The following TUSC3 variants were observed in gnomAD, a reference collection of about 807,000 sequenced individuals.
TUSC3 encodes the protein dolichyl-diphosphooligosaccharide--protein glycosyltransferase subunit TUSC3.
A neutral mutation model predicts 44.8 loss-of-function variants in TUSC3; 45 were observed. That is an observed-to-expected ratio of 1.00 (90% CI 0.79 to 1.29). TUSC3 has a LOEUF of 1.29. Ranked by LOEUF, TUSC3 falls within the 50% of genes most tolerant of loss-of-function variation. The pLI is 0.00. For synonymous variants in TUSC3, 212 were observed against 152.9 expected (o/e 1.39, Z -2.85); for missense variants, 519 against 437.9 (o/e 1.19, Z -1.65).
intron 9 of TUSC3, among the ~76,000 whole-genome samples, chr8:15,757,083 G>C (rs1811957090): frequency 6.6e-6 from 1 of 152,150 alleles, no homozygotes; most frequent in Non-Finnish European, 1.5e-5. Context: ...CTGCAAGTGA[G>C]CTATGATTGT....
At chr8:15,820,262 G>A in the TUSC3 span, among the ~76,000 whole-genome samples, 1 of 145,144 alleles carries the variant, frequency 6.9e-6, no homozygotes, top group Non-Finnish European at 1.5e-5. Flanking sequence ...GTAATATTTT[G>A]TTAAGAATTT....
intron 6 of TUSC3, among the ~76,000 whole-genome samples, chr8:15,712,193 G>C (rs1418211550): frequency 6.6e-6 from 1 of 151,870 alleles, no homozygotes; most frequent in Non-Finnish European, 1.5e-5. Flanking sequence ...GAGGCTCTTA[G>C]AGGACTTTTA....
Position 15,764,868 on chromosome 8 carries a change from T to G in TUSC3, c.*712T>G, listed in dbSNP as rs1812284916. 1 of 152,030 alleles carries G rather than the reference T, an allele frequency of 6.6e-6. No individual in the cohort carries two copies. The highest frequency in any genetic ancestry group is 1.5e-5 in the Non-Finnish European group (1 of 67,962). The allele number at this position is 152,030 out of a possible 1,614,324, so 9.4% of individuals were successfully genotyped here. A position where few individuals can be genotyped will look rare whatever the true frequency, so the allele number is the denominator to read the frequency against. On this transcript the variant is annotated 3_prime_UTR_variant, in exon 11 of 11. Coordinates refer to ENST00000503731, the MANE Select transcript of TUSC3 (RefSeq NM_006765.4). ...ACATACCACAACTAGGAGTTATTTC[T>G]CAAACTTAAATGTCCTCTGGGAATC...
At chr8:15,436,651 T>C (rs1799948983) in intron 1 of TUSC3, among the ~76,000 whole-genome samples, 1 of 152,070 alleles carries the variant, frequency 6.6e-6, no homozygotes, top group South Asian at 2.1e-4. Flanking sequence ...ACTATGTATA[T>C]AAAAGAACAA....
intron 2 of TUSC3, among the ~76,000 whole-genome samples, chr8:15,531,534 G>A (rs1233859235): frequency 6.6e-6 from 1 of 152,234 alleles, no homozygotes; most frequent in Non-Finnish European, 1.5e-5. Flanking sequence ...TTACAGGCGT[G>A]AGCCTCTGTG....
intron 6 of TUSC3, among the ~76,000 whole-genome samples, chr8:15,689,862 G>GTGTAAA (rs1398269685): frequency 8.4e-5 from 2 of 23,928 alleles, no homozygotes; most frequent in African/African-American, 2.9e-4. Context: ...GTGTGTGTGT[G>GTGTAAA]TATAAATATA....
rs1401853123 is a variant in TUSC3 at position 15,766,410 on chromosome 8, G to A, written c.*2254G>A. The stretch of plus-strand genomic sequence containing the variant: ...AGAATTGAATAATTGATTTGTACCT[G>A]GTATGTTATATCCTCCAGTGTCACT... On this transcript the variant is annotated 3_prime_UTR_variant, in exon 11 of 11. Transcript: ENST00000503731. 6.6e-6 allele frequency: 1 copy of A among 152,000 alleles called. No homozygotes were observed. The highest frequency in any genetic ancestry group is 6.6e-5 in the Admixed American group (1 of 15,232). The allele number at this position is 152,000 out of a possible 1,614,324, so 9.4% of individuals were successfully genotyped here.
intron 1 of TUSC3, among the ~76,000 whole-genome samples, chr8:15,549,209 C>T (rs1801970617): frequency 6.6e-6 from 1 of 151,784 alleles, no homozygotes; most frequent in African/African-American, 2.4e-5. Context: ...GAGTCTTGCT[C>T]TGTCGCCCAG....
the TUSC3 span, among the ~76,000 whole-genome samples, chr8:15,823,946 T>G: frequency 9.9e-5 from 15 of 152,238 alleles, no homozygotes; most frequent in Non-Finnish European, 1.5e-5. Flanking sequence ...ATGCCTTTCC[T>G]AAATTGAATA....
chr8:15,517,545 A>C (rs1351188498), intron 2 of TUSC3, among the ~76,000 whole-genome samples: 1 of 146,624 alleles, frequency 6.8e-6, no homozygotes, highest in Non-Finnish European at 1.5e-5. Context: ...AAAAAAAAAA[A>C]AAAAAAAAAA....
intron 1 of TUSC3, among the ~76,000 whole-genome samples, chr8:15,601,964 A>G (rs1804305084): frequency 6.6e-6 from 1 of 151,262 alleles, no homozygotes; most frequent in Admixed American, 6.6e-5. Flanking sequence ...ACTAGCATTT[A>G]TTTGTACATT....
chr8:15,597,587 TAAC>T (rs895207419), intron 1 of TUSC3, among the ~76,000 whole-genome samples: 18 of 152,216 alleles, frequency 1.2e-4, no homozygotes, highest in African/African-American at 4.1e-4. Flanking sequence ...TCTAAAATAC[TAAC>T]AACATCTAAA....
At chr8:15,434,239 GT>G (rs149301917) in intron 1 of TUSC3, among the ~76,000 whole-genome samples, 25,017 of 151,936 alleles carry the variant, frequency 0.16, 2,102 homozygotes, top group Middle Eastern at 0.22. Context: ...TTTGTACACT[GT>G]TTTTTTGTGA....
chr8:15,822,396 A>T, the TUSC3 span, among the ~76,000 whole-genome samples: 10 of 152,204 alleles, frequency 6.6e-5, no homozygotes, highest in East Asian at 1.9e-3. Context: ...CCCTAGGGAG[A>T]TGGCTTTCAA....
intron 2 of TUSC3, among the ~76,000 whole-genome samples, chr8:15,489,675 T>A (rs1329955203): frequency 6.6e-6 from 1 of 152,226 alleles, no homozygotes; most frequent in Non-Finnish European, 1.5e-5. Flanking sequence ...ACAAAGAGTC[T>A]GTTTTGTCAG....
the TUSC3 span, among the ~76,000 whole-genome samples, chr8:15,830,022 T>G: frequency 6.6e-6 from 1 of 152,216 alleles, no homozygotes; most frequent in Non-Finnish European, 1.5e-5. Flanking sequence ...ACTGTGGTTT[T>G]AATTTGCATT....
the TUSC3 span, among the ~76,000 whole-genome samples, chr8:15,825,485 C>T: frequency 8.5e-5 from 13 of 152,054 alleles, no homozygotes; most frequent in African/African-American, 3.1e-4. Context: ...GATTCAATTA[C>T]CTCCCACCAG....
intron 6 of TUSC3, among the ~76,000 whole-genome samples, chr8:15,682,137 T>A (rs919510138): frequency 3.9e-5 from 6 of 152,198 alleles, no homozygotes; most frequent in Non-Finnish European, 8.8e-5. Context: ...ATGTTTATTC[T>A]GCAGTTGTTG....
the TUSC3 span, among the ~76,000 whole-genome samples, chr8:15,814,586 T>C: frequency 2.6e-5 from 4 of 152,208 alleles, no homozygotes; most frequent in Admixed American, 6.5e-5. Flanking sequence ...GTCTCTTTGC[T>C]CAGGAGTTGA....
Sources: allele counts gnomAD v4.1 joint callset (sites outside exome capture counted in the v4.1 genomes callset), GRCh38; gene constraint gnomAD v4.1.1; transcripts MANE v1.5; gene names NCBI Gene and HGNC (gene_info 2026-07-23, HGNC 2026-07-21).